Variants in CDCA2 observed in about 807,000 individuals in gnomAD.
The protein encoded by CDCA2 is cell division cycle-associated protein 2.
CDCA2 carries 44 observed loss-of-function variants against 67.0 expected under a neutral mutation model. The observed-to-expected ratio is 0.66, with a 90% CI of 0.52 to 0.84. The LOEUF is 0.84. Ranked by LOEUF, CDCA2 falls within the 40% of genes least tolerant of loss-of-function variation. The probability of loss-of-function intolerance (pLI) is 0.00; values close to 1 mark genes in which losing one functional copy is unlikely to be tolerated. For missense variants in CDCA2, 1,253 were observed against 1,203.2 expected (o/e 1.04, Z -0.61); for synonymous variants, 447 against 418.7 (o/e 1.07, Z -0.82).
At chr8:25,468,525 T>G in intron 6 of CDCA2, 112 bp downstream of exon 6, 1 of 504,084 alleles carries the variant, frequency 2.0e-6, no homozygotes. Flanking sequence ...TGCCCTGTGG[T>G]TCCTGGGGTG....
At chr8:25,481,607 G>A (rs1286745160) in intron 8 of CDCA2, among the ~76,000 whole-genome samples, 1 of 152,054 alleles carries the variant, frequency 6.6e-6, no homozygotes, top group East Asian at 1.9e-4. Flanking sequence ...GGAGAATGGC[G>A]TGAACCCAGG....
intron 13 of CDCA2, among the ~76,000 whole-genome samples, chr8:25,495,614 G>C (rs1804190722): frequency 6.6e-6 from 1 of 152,062 alleles, no homozygotes; most frequent in Non-Finnish European, 1.5e-5. Context: ...TAGAGACTGG[G>C]TTTCACCATG....
rs773880891 is a variant in CDCA2 at position 25,484,097 on chromosome 8, G to A, written c.1252G>A (p.Gly418Arg). 1.9e-6 allele frequency: 3 copies of A among 1,614,176 alleles called. No individual in the cohort carries two copies. The South Asian group carries it at 3.3e-5, about 18-fold the overall frequency. Residue 418 changes from glycine (G) to arginine (R), a missense_variant, in exon 10 of 15, where the codon GGA (glycine) becomes AGA (arginine). Transcript: ENST00000330560. ...LPANTPLRKG[G>R]TPVCKKDFSG... ...AGCAAATACTCCATTGCGTAAAGGA[G>A]GAACACCTGTTTGTAAAAAAGACTT...
intron 7 of CDCA2, chr8:25,472,295 A>G (rs1477834055): frequency 1.3e-5 from 2 of 150,608 alleles, no homozygotes; most frequent in Admixed American, 6.7e-5. Flanking sequence ...TGTGTCACCC[A>G]GGCTGGAGTG....
chr8:25,465,365 G>T (rs922070628), intron 4 of CDCA2, among the ~76,000 whole-genome samples: 1 of 140,756 alleles, frequency 7.1e-6, no homozygotes. Context: ...CTTCATATCA[G>T]TGGAAATGTT....
intron 13 of CDCA2, among the ~76,000 whole-genome samples, chr8:25,489,536 C>T (rs1409936747): frequency 6.6e-6 from 1 of 152,182 alleles, no homozygotes; most frequent in Non-Finnish European, 1.5e-5. Flanking sequence ...TCTGACATAG[C>T]CCCTAGAGAC....
chr8:25,460,424 T>C lies in CDCA2; in HGVS notation c.102T>C (p.Thr34=), dbSNP rs114873608. Residue 34 remains threonine, a synonymous_variant, in exon 3 of 15, where the codon ACT becomes ACC. Transcript: ENST00000330560. ...TTTTGGGAACTGGGAAGATTGTGAC[T>C]CCTCAGAAGCATGCCGAATTACCTC... ...SFILGTGKIV[T]PQKHAELPPN... is the part of the protein sequence containing the mutation. 1 of 1,614,172 alleles carries C rather than the reference T, an allele frequency of 6.2e-7. No homozygotes were observed. Among genetic ancestry groups the C allele is most frequent in the Non-Finnish European group, 8.5e-7 (1 of 1,180,024 alleles).
chr8:25,507,160 C>A lies in CDCA2; in HGVS notation c.2494C>A (p.Arg832Ser). 3.7e-6 allele frequency: 6 copies of A among 1,614,068 alleles called. No homozygotes were observed. The highest frequency in any genetic ancestry group is 5.1e-6 in the Non-Finnish European group (6 of 1,180,014). ...TTGCAGAGACAGGAAAGATAGAAGA[C>A]GTTCCATGTGTTATTCTGATGGTCG... ...VSCRDRKDRR[R>S]SMCYSDGRSL... Residue 832 changes from arginine to serine, a missense_variant, in exon 15 of 15, where the codon CGT (arginine) becomes AGT (serine). Physicochemically the swap from Arg to Ser is moderately radical, Grantham distance 110. Coordinates refer to ENST00000330560, the MANE Select transcript of CDCA2 (RefSeq NM_152562.4).
intron 13 of CDCA2, among the ~76,000 whole-genome samples, chr8:25,498,453 A>ACCCCCCCACCCCC (rs1804328687): frequency 1.3e-5 from 1 of 76,612 alleles, no homozygotes; most frequent in Non-Finnish European, 2.6e-5. Flanking sequence ...GGTAATCTGC[A>ACCCCCCCACCCCC]CCCCCCCCCC....
At chr8:25,495,591 T>A (rs1174582065) in intron 13 of CDCA2, among the ~76,000 whole-genome samples, 1 of 152,094 alleles carries the variant, frequency 6.6e-6, no homozygotes, top group Non-Finnish European at 1.5e-5. Flanking sequence ...ATTTTTTATT[T>A]TTTATTTTTT....
chr8:25,478,913 T>TATATATA (rs1803460265), intron 7 of CDCA2, among the ~76,000 whole-genome samples: 2 of 149,428 alleles, frequency 1.3e-5, no homozygotes, highest in Admixed American at 6.7e-5. Context: ...TATATATATA[T>TATATATA]TAACTTTTTA....
At chr8:25,468,118 C>CAAAA (rs60060887) in intron 5 of CDCA2, 99 bp from the exon 6 acceptor site, 278 of 159,426 alleles carry the variant, frequency 1.7e-3, no homozygotes, top group Non-Finnish European at 2.3e-3. Context: ...AACTCCGTCT[C>CAAAA]AAAAAAAAAA....
chr8:25,499,942 C>T (rs1804406103), intron 13 of CDCA2, among the ~76,000 whole-genome samples: 1 of 152,174 alleles, frequency 6.6e-6, no homozygotes, highest in South Asian at 2.1e-4. Flanking sequence ...GTGGCCTTTG[C>T]TGATGAAATC....
chr8:25,477,133 C>A (rs535404455), intron 7 of CDCA2, among the ~76,000 whole-genome samples: 1 of 152,282 alleles, frequency 6.6e-6, no homozygotes, highest in Admixed American at 6.5e-5. Flanking sequence ...GCCTTGTTGA[C>A]CAGCCATCTC....
intron 13 of CDCA2, among the ~76,000 whole-genome samples, chr8:25,500,891 G>T (rs73550860): frequency 6.6e-6 from 1 of 152,106 alleles, no homozygotes; most frequent in Non-Finnish European, 1.5e-5. Flanking sequence ...ACTTGCCCAG[G>T]GTTATAAAAC....
intron 13 of CDCA2, among the ~76,000 whole-genome samples, chr8:25,489,846 G>A (rs1803933237): frequency 6.6e-6 from 1 of 152,150 alleles, no homozygotes; most frequent in African/African-American, 2.4e-5. Context: ...CATATATGAA[G>A]ACCAGAACTT....
At chr8:25,490,106 C>T (rs532647471) in intron 13 of CDCA2, among the ~76,000 whole-genome samples, 5 of 152,258 alleles carry the variant, frequency 3.3e-5, no homozygotes, top group Non-Finnish European at 5.9e-5. Context: ...AGGTCACACA[C>T]TCTTGATAAA....
At chr8:25,467,089 TC>T (rs1802942822) in intron 5 of CDCA2, among the ~76,000 whole-genome samples, 1 of 139,920 alleles carries the variant, frequency 7.1e-6, no homozygotes, top group Non-Finnish European at 1.5e-5. Flanking sequence ...CACAAATATA[TC>T]CAATCTGATA....
rs1484175638 is a variant in CDCA2 at position 25,488,600 on chromosome 8, G to A, written c.1582G>A (p.Glu528Lys). 5.0e-6 allele frequency: 8 copies of A among 1,612,966 alleles called. No individual in the cohort carries two copies. Among genetic ancestry groups the A allele is most frequent in the Non-Finnish European group, 6.8e-6 (8 of 1,179,652 alleles). Residue 528 changes from glutamate to lysine, a missense_variant, in exon 13 of 15, where the codon GAA (glutamate) becomes AAA (lysine). Glu to Lys is a moderately conservative substitution (Grantham distance 56). Coordinates refer to ENST00000330560, the MANE Select transcript of CDCA2 (RefSeq NM_152562.4). ...GAGTGTTTGCAACTTATTGAATACA[G>A]AAGTTCAGCCTTGTAAAGAAAAGAA... ...EESVCNLLNT[E>K]VQPCKEKKIN...
Sources: gnomAD v4.1 joint callset for allele counts (sites outside exome capture counted in the v4.1 genomes callset) on GRCh38, gnomAD v4.1.1 for gene constraint, MANE v1.5 for transcripts, NCBI Gene and HGNC (gene_info 2026-07-23, HGNC 2026-07-21) for gene names.